Variants in GDAP1 observed in about 807,000 individuals in gnomAD.
GDAP1 encodes the protein ganglioside induced differentiation associated protein 1.
A neutral mutation model predicts 40.1 loss-of-function variants in GDAP1; 34 were observed. The ratio of observed to expected loss-of-function variants is 0.85; its 90% CI spans 0.64 to 1.13. The LOEUF (loss-of-function observed/expected upper bound fraction) is 1.13. GDAP1 is among the 50% of genes most tolerant of loss of function. The pLI, the probability that GDAP1 is intolerant of heterozygous loss-of-function variation, is 0.00. For synonymous variants in GDAP1, 170 were observed against 157.4 expected (o/e 1.08, Z -0.60); for missense variants, 374 against 433.7 (o/e 0.86, Z 1.22).
chr8:74,389,155 A>G (rs1362542917), intron 2 of GDAP1, among the ~76,000 whole-genome samples: 1 of 152,094 alleles, frequency 6.6e-6, no homozygotes, highest in Non-Finnish European at 1.5e-5. Flanking sequence ...TGTGTCTTTA[A>G]TTGAGGCATT....
intron 2 of GDAP1, among the ~76,000 whole-genome samples, chr8:74,418,596 T>C (rs1805814752): frequency 6.6e-6 from 1 of 152,206 alleles, no homozygotes; most frequent in Non-Finnish European, 1.5e-5. Context: ...CAAGGGACTG[T>C]TGTGCCCTGG....
intron 2 of GDAP1, among the ~76,000 whole-genome samples, chr8:74,394,986 A>G (rs905614706): frequency 6.6e-6 from 1 of 152,144 alleles, no homozygotes; most frequent in African/African-American, 2.4e-5. Flanking sequence ...TGGACTTTTT[A>G]TCTTGTTTCA....
intron 2 of GDAP1, among the ~76,000 whole-genome samples, chr8:74,419,213 A>G (rs1438369232): frequency 6.6e-6 from 1 of 152,228 alleles, no homozygotes; most frequent in Non-Finnish European, 1.5e-5. Flanking sequence ...GTGTTCACAC[A>G]AAACGCTTAT....
At chr8:74,423,950 C>A (rs759349616) in intron 2 of GDAP1, among the ~76,000 whole-genome samples, 11 of 152,096 alleles carry the variant, frequency 7.2e-5, no homozygotes, top group Non-Finnish European at 1.6e-4. Flanking sequence ...AGAAGATAAA[C>A]CCCTCTGGGC....
intron 2 of GDAP1, among the ~76,000 whole-genome samples, chr8:74,374,823 T>G (rs73347228): frequency 8.9e-4 from 135 of 152,224 alleles, no homozygotes; most frequent in African/African-American, 3.2e-3. Context: ...TAGCCATATA[T>G]CCACTAAACA....
chr8:74,477,272 T>C (rs972520475), intron 2 of GDAP1, among the ~76,000 whole-genome samples: 5 of 152,168 alleles, frequency 3.3e-5, no homozygotes, highest in Non-Finnish European at 7.4e-5. Flanking sequence ...CCAGATTCCA[T>C]ATTTTTGATT....
At chr8:74,350,627 C>G (rs1182572867) in intron 1 of GDAP1, 49 bp downstream of exon 1, 1 of 1,124,060 alleles carries the variant, frequency 8.9e-7, no homozygotes, top group East Asian at 2.3e-5. Flanking sequence ...GGCTTCAGCA[C>G]TGGGACAGCT....
chr8:74,350,974 T>A (rs1808838463), intron 1 of GDAP1, among the ~76,000 whole-genome samples: 1 of 152,116 alleles, frequency 6.6e-6, no homozygotes, highest in Admixed American at 6.5e-5. Flanking sequence ...ACATGTCAGG[T>A]TCTTGTCTGG....
rs1379292544 is a variant in GDAP1 at position 74,416,922 on chromosome 8, G to GTT, written c.165+65606_165+65607dup. On this transcript the variant is annotated intron_variant, in intron 2 of 2. Transcript: ENST00000523640. ...GAAAAGTTTTTTTTTTTGTTTTTTT[G>GTT]TTTTTTGTTTTTTTTTTTTTTAACA... 1.0e-3 allele frequency among the ~76,000 whole-genome samples: 103 copies of GTT among 102,176 alleles called. 8 individuals are homozygous for GTT. The highest frequency in any genetic ancestry group is 3.5e-3 in the African/African-American group (78 of 22,412). 67.0% of individuals were successfully genotyped at this position (102,176 alleles called of 152,430 possible). A position where few individuals can be genotyped will look rare whatever the true frequency, so the allele number is the denominator to read the frequency against.
rs569737465 is a variant in GDAP1 at position 74,391,124 on chromosome 8, G to T, written c.165+39803G>T. ...TCTTAGCTTGCTGGGCTCCATGGGGGTGGGATCTGCTGAGCCAGACCACTT... is the reference window on the plus strand; with the variant it reads ...TCTTAGCTTGCTGGGCTCCATGGGGTTGGGATCTGCTGAGCCAGACCACTT... On this transcript the variant is annotated intron_variant, in intron 2 of 2. Coordinates refer to the GDAP1 transcript ENST00000523640. 2.0e-5 allele frequency among the ~76,000 whole-genome samples: 3 copies of T among 152,214 alleles called. No homozygotes were observed. The East Asian group carries it at 5.8e-4, about 30-fold the overall frequency.
chr8:74,478,807 G>T (rs1563480645), intron 2 of GDAP1, among the ~76,000 whole-genome samples: 1 of 152,104 alleles, frequency 6.6e-6, no homozygotes, highest in Non-Finnish European at 1.5e-5. Context: ...GTGGCTAAGG[G>T]GTCTCCTCCT....
At position 74,458,079 on chromosome 8, in the gene GDAP1, C is replaced by T. The variant is rs10103151; in HGVS notation, c.166-30599C>T. Among the ~76,000 whole-genome samples the T allele has an allele frequency of 5.6e-4, 85 of 152,118 alleles. No homozygotes were observed. In the South Asian group the frequency reaches 0.017, roughly 31 times the overall value. On this transcript the variant is annotated intron_variant, in intron 2 of 2. Transcript: ENST00000523640. Reference sequence around the variant, plus strand: ...TACCCCTAAAACATAGAGTTGAAGTCATCCCTACAGTTTTGAGGGGATATA... The same window carrying T: ...TACCCCTAAAACATAGAGTTGAAGTTATCCCTACAGTTTTGAGGGGATATA...
At chr8:74,422,297 CTTTCTTTCTTTCTT>C (rs1805872555) in intron 2 of GDAP1, among the ~76,000 whole-genome samples, 1 of 29,718 alleles carries the variant, frequency 3.4e-5, no homozygotes, top group African/African-American at 1.8e-4. Context: ...TTCTTTCTTT[CTTTCTTTCTTTCTT>C]TCTTTCTTTC....
intron 2 of GDAP1, among the ~76,000 whole-genome samples, chr8:74,427,106 T>C (rs188367007): frequency 2.6e-5 from 4 of 152,344 alleles, no homozygotes; most frequent in South Asian, 2.1e-4. Flanking sequence ...AGAAAAATGC[T>C]TGTACAAAAG....
intron 2 of GDAP1, among the ~76,000 whole-genome samples, chr8:74,448,881 A>G (rs1326213293): frequency 6.6e-6 from 1 of 152,026 alleles, no homozygotes; most frequent in Non-Finnish European, 1.5e-5. Context: ...GCTTTTGATT[A>G]TTAGACATTT....
At chr8:74,432,758 TGGAA>T (rs1396651058) in intron 2 of GDAP1, among the ~76,000 whole-genome samples, 2 of 152,242 alleles carry the variant, frequency 1.3e-5, no homozygotes, top group African/African-American at 4.8e-5. Flanking sequence ...TTATTGGAGC[TGGAA>T]GGGACTATCC....
At chr8:74,411,889 A>T (rs770067789) in intron 2 of GDAP1, among the ~76,000 whole-genome samples, 7 of 149,764 alleles carry the variant, frequency 4.7e-5, no homozygotes, top group African/African-American at 7.7e-5. Context: ...CTCAAAAAAA[A>T]AATAATAATA....
intron 2 of GDAP1, among the ~76,000 whole-genome samples, chr8:74,484,673 T>G (rs1165959566): frequency 1.3e-5 from 2 of 152,110 alleles, no homozygotes; most frequent in African/African-American, 4.8e-5. Flanking sequence ...TCCTGGGAAC[T>G]GGCAAAAATG....
chr8:74,375,326 CA>C (rs71269984), intron 2 of GDAP1, among the ~76,000 whole-genome samples: 63,752 of 146,704 alleles, frequency 0.43, 13,477 homozygotes, highest in Middle Eastern at 0.5. Flanking sequence ...GACTCTGTCT[CA>C]AAAAAAAAAA....
Sources: gnomAD v4.1 joint callset for allele counts (sites outside exome capture counted in the v4.1 genomes callset) on GRCh38, gnomAD v4.1.1 for gene constraint, MANE v1.5 for transcripts, NCBI Gene and HGNC (gene_info 2026-07-23, HGNC 2026-07-21) for gene names.